TNK2: variants seen among roughly 807,000 people sequenced by gnomAD.
TNK2 encodes the protein activated CDC42 kinase 1.
A neutral mutation model predicts 101.8 loss-of-function variants in TNK2; 83 were observed. The observed-to-expected ratio is 0.82, with a 90% CI of 0.68 to 0.98. The LOEUF is 0.98. Ranked by LOEUF, TNK2 falls within the 50% of genes least tolerant of loss-of-function variation. The pLI, the probability that TNK2 is intolerant of heterozygous loss-of-function variation, is 0.00. For missense variants in TNK2, 1,665 were observed against 1,483.2 expected (o/e 1.12, Z -2.01); for synonymous variants, 804 against 633.0 (o/e 1.27, Z -4.06).
At chr3:195,887,311 G>T (rs1398360597) in intron 2 of TNK2, among the ~76,000 whole-genome samples, 5 of 152,198 alleles carry the variant, frequency 3.3e-5, no homozygotes, top group Non-Finnish European at 5.9e-5. Context: ...GAAAAATCAA[G>T]GTAATGAACA....
chr3:195,870,359 C>T (rs1185955685), intron 10 of TNK2, 154 bp from the exon 11 acceptor site: 14 of 1,497,628 alleles, frequency 9.3e-6, no homozygotes, highest in East Asian at 5.6e-5. Context: ...CCTGACCGCA[C>T]GTCTCAGCTG....
intron 9 of TNK2, among the ~76,000 whole-genome samples, chr3:195,874,786 C>G (rs1221419306): frequency 1.8e-4 from 1 of 5,522 alleles, no homozygotes; most frequent in Non-Finnish European, 2.8e-4. Context: ...ACGCACGCTC[C>G]GAGGCACAGG....
chr3:195,903,270 G>A (rs1006363971), intron 1 of TNK2, among the ~76,000 whole-genome samples: 4 of 135,824 alleles, frequency 2.9e-5, no homozygotes, highest in African/African-American at 1.1e-4. Context: ...TCAATCTCCT[G>A]ACCTCGTGAT....
At chr3:195,876,203 T>C (rs1749149659) in intron 9 of TNK2, among the ~76,000 whole-genome samples, 1 of 152,104 alleles carries the variant, frequency 6.6e-6, no homozygotes, top group Admixed American at 6.5e-5. Context: ...CATTTGTGTC[T>C]CCAAATCTAG....
chr3:195,867,037 A>G, intron 14 of TNK2, 21 bp from the exon 15 acceptor site: 1 of 1,612,522 alleles, frequency 6.2e-7, no homozygotes, highest in Non-Finnish European at 8.5e-7. Context: ...GGGTGGCGCC[A>G]TGGACACGCG....
At chr3:195,907,938 G>A (rs543895592) in intron 1 of TNK2, 4 of 152,386 alleles carry the variant, frequency 2.6e-5, no homozygotes, top group African/African-American at 7.2e-5. Flanking sequence ...GGGCCCTCAG[G>A]GTAAATCAGC....
chr3:195,888,432 G>C lies in TNK2; in HGVS notation c.157C>G (p.Arg53Gly), dbSNP rs142416449. 3.7e-6 allele frequency: 6 copies of C among 1,613,278 alleles called. No individual in the cohort carries two copies. Among genetic ancestry groups the C allele is most frequent in the Admixed American group, 3.3e-5 (2 of 59,972 alleles). Reference sequence around the variant, plus strand: ...AGGCCAACATCCCACCTACCAGGCCGACCCATGCCGATCTTCTCCAGGTCC... The same window carrying C: ...AGGCCAACATCCCACCTACCAGGCCCACCCATGCCGATCTTCTCCAGGTCC... The part of the protein sequence containing the change: ...NEDLEKIGMG[R>G]PGQRRLWEAV... Residue 53 changes from arginine to glycine, a missense_variant, in exon 2 of 16, where the codon CGG becomes GGG. Around this residue, in one of 3 missense-constraint regions of TNK2, gnomAD observed 490 missense variants for 522.5 expected, o/e 0.94. Transcript: ENST00000672887. The surrounding 1 kb of genome is among the most constrained non-coding windows in gnomAD (Gnocchi z 5.3).
At chr3:195,867,313 C>A (rs768613582) in intron 13 of TNK2, 48 bp downstream of exon 13, 68 of 1,610,252 alleles carry the variant, frequency 4.2e-5, no homozygotes, top group Non-Finnish European at 5.7e-5. Flanking sequence ...CTGCTCCAGG[C>A]CCCTTGGGCC....
chr3:195,884,077 A>G (rs1043837846), intron 4 of TNK2: 10 of 152,274 alleles, frequency 6.6e-5, no homozygotes, highest in African/African-American at 2.4e-4. Flanking sequence ...CACAGGAAAC[A>G]GTCACACCAG....
At chr3:195,883,497 G>C in intron 4 of TNK2, 188 bp from the exon 5 acceptor site, 2 of 637,588 alleles carry the variant, frequency 3.1e-6, no homozygotes, top group Non-Finnish European at 2.6e-6. Context: ...AGGGCAGACG[G>C]CTGGCCCTCA....
At chr3:195,884,789 C>T (rs1194169645) in intron 4 of TNK2, 23 bp downstream of exon 4, 1 of 1,590,198 alleles carries the variant, frequency 6.3e-7, no homozygotes, top group Admixed American at 1.7e-5. Context: ...CTCTGCTGCG[C>T]TGGCAGGACA....
chr3:195,875,850 A>G (rs1468169449), intron 9 of TNK2, among the ~76,000 whole-genome samples: 1 of 152,200 alleles, frequency 6.6e-6, no homozygotes, highest in African/African-American at 2.4e-5. Flanking sequence ...GGTAGACAAG[A>G]TGGAAAACAG....
intron 1 of TNK2, among the ~76,000 whole-genome samples, chr3:195,902,222 C>T (rs1200872746): frequency 6.6e-6 from 1 of 152,158 alleles, no homozygotes; most frequent in Non-Finnish European, 1.5e-5. Context: ...CGCCTGCAAT[C>T]CTCAAAAGCC....
intron 1 of TNK2, among the ~76,000 whole-genome samples, chr3:195,902,134 G>A (rs2149857732): frequency 6.6e-6 from 1 of 152,324 alleles, no homozygotes; most frequent in African/African-American, 2.4e-5. Flanking sequence ...TTGGAAGCTG[G>A]AAAGCAGATG....
chr3:195,900,141 T>G (rs1332533003), intron 1 of TNK2, among the ~76,000 whole-genome samples: 2 of 151,740 alleles, frequency 1.3e-5, no homozygotes, highest in Non-Finnish European at 2.9e-5. Context: ...GACATTGGTC[T>G]TAAGGAAGGT....
chr3:195,907,924 C>T (rs1761906842), intron 1 of TNK2, among the ~76,000 whole-genome samples: 1 of 152,208 alleles, frequency 6.6e-6, no homozygotes, highest in Non-Finnish European at 1.5e-5. Flanking sequence ...TCATCCTTGG[C>T]TCTGGGCCCT....
intron 11 of TNK2, 178 bp from the exon 12 acceptor site, chr3:195,869,719 A>G (rs1049229228): frequency 1.5e-6 from 1 of 670,204 alleles, no homozygotes; most frequent in African/African-American, 1.8e-5. Context: ...GATGAGGAAC[A>G]CGGCGGTCCA....
chr3:195,875,614 G>C (rs1420690565), intron 9 of TNK2, among the ~76,000 whole-genome samples: 1 of 152,014 alleles, frequency 6.6e-6, no homozygotes, highest in African/African-American at 2.4e-5. Context: ...AGTCCAGAGG[G>C]GACTGAGGCC....
chr3:195,886,956 C>G lies in TNK2; in HGVS notation c.234+21G>C. The G allele has an allele frequency of 6.2e-7, 1 of 1,612,834 alleles. No homozygotes were observed. Among genetic ancestry groups the G allele is most frequent in the Non-Finnish European group, 8.5e-7 (1 of 1,179,072 alleles). On this transcript the variant is annotated intron_variant, in intron 3 of 15. Transcript: ENST00000672887. This position sits in a 1 kb window ranked among gnomAD's most constrained non-coding sequence, Gnocchi z 4.2. ...TTCGAGGCTGCCCCCCTCCCACCTC[C>G]TCACCCACCTCCTCACCCACCTTAC...
Sources: allele counts gnomAD v4.1 joint callset (sites outside exome capture counted in the v4.1 genomes callset), GRCh38; gene constraint gnomAD v4.1.1; regional missense constraint gnomAD v4.1.1; non-coding constraint Gnocchi (gnomAD v3.1); transcripts MANE v1.5; gene names NCBI Gene and HGNC (gene_info 2026-07-23, HGNC 2026-07-21).